LNP1: variants seen among roughly 807,000 people sequenced by gnomAD.
LNP1 encodes leukemia NUP98 fusion partner 1.
LNP1 carries 12 observed loss-of-function variants against 14.5 expected under a neutral mutation model. The ratio of observed to expected loss-of-function variants is 0.83; its 90% CI spans 0.53 to 1.34. LNP1 has a LOEUF of 1.34. Ranked by LOEUF, LNP1 falls within the 40% of genes most tolerant of loss-of-function variation. The pLI, the probability that LNP1 is intolerant of heterozygous loss-of-function variation, is 0.00. For missense variants in LNP1, 198 were observed against 210.9 expected, an observed-to-expected ratio of 0.94 and a Z score of 0.38; for synonymous variants, 75 against 71.4, an observed-to-expected ratio of 1.05 and a Z score of -0.26.
intron 2 of LNP1, among the ~76,000 whole-genome samples, chr3:100,433,113 TG>T (rs1707257787): frequency 6.6e-6 from 1 of 152,214 alleles, no homozygotes; most frequent in Admixed American, 6.5e-5. Flanking sequence ...GTTTGTTACA[TG>T]GGTGTACATG....
chr3:100,444,773 A>G (rs976228150), intron 2 of LNP1, among the ~76,000 whole-genome samples: 1 of 152,228 alleles, frequency 6.6e-6, no homozygotes, highest in Non-Finnish European at 1.5e-5. Context: ...AACTGCATGA[A>G]GCCAATTAAA....
At chr3:100,449,581 C>A (rs547962222) in intron 2 of LNP1, among the ~76,000 whole-genome samples, 2 of 152,020 alleles carry the variant, frequency 1.3e-5, no homozygotes, top group South Asian at 2.1e-4. Flanking sequence ...AGGGTTCAAT[C>A]AACTGAGAAG....
intron 1 of LNP1, among the ~76,000 whole-genome samples, chr3:100,403,059 C>G (rs774781487): frequency 1.3e-5 from 2 of 152,228 alleles, no homozygotes; most frequent in Non-Finnish European, 2.9e-5. Flanking sequence ...ATTTTCTCCT[C>G]CATTTCCTAA....
chr3:100,402,072 C>A lies in LNP1; in HGVS notation c.-401C>A, dbSNP rs2148897014. 6.6e-6 allele frequency: 1 copy of A among 152,384 alleles called. No homozygotes were observed. Among genetic ancestry groups the A allele is most frequent in the East Asian group, 1.9e-4 (1 of 5,194 alleles). The allele number at this position is 152,384 out of a possible 1,614,324, so 9.4% of individuals were successfully genotyped here. On this transcript the variant is annotated 5_prime_UTR_variant, in exon 1 of 4. Coordinates refer to ENST00000383693, the MANE Select transcript of LNP1 (RefSeq NM_001085451.2). ...TCGTCTCATTCCCAAATCGTAATTT[C>A]AGTTCACAGCTTTTTATCTATAATA...
intron 1 of LNP1, among the ~76,000 whole-genome samples, chr3:100,416,601 G>GTGTGTGTC (rs1707086566): frequency 1.7e-5 from 1 of 57,922 alleles, no homozygotes; most frequent in Non-Finnish European, 3.1e-5. Context: ...TATCTTTTTT[G>GTGTGTGTC]TGTGTGTGTG....
At chr3:100,415,955 C>A (rs1332071741) in intron 1 of LNP1, among the ~76,000 whole-genome samples, 1 of 152,192 alleles carries the variant, frequency 6.6e-6, no homozygotes, top group Non-Finnish European at 1.5e-5. Context: ...AAATGTGCAA[C>A]CCCAGATGCT....
chr3:100,418,206 C>T (rs1215743737), intron 1 of LNP1, among the ~76,000 whole-genome samples: 1 of 151,356 alleles, frequency 6.6e-6, no homozygotes, highest in African/African-American at 2.4e-5. Flanking sequence ...ATTACAGGCA[C>T]CCACCACCAC....
chr3:100,423,915 A>G (rs1350744422), intron 1 of LNP1, among the ~76,000 whole-genome samples: 1 of 152,218 alleles, frequency 6.6e-6, no homozygotes, highest in African/African-American at 2.4e-5. Flanking sequence ...TCTGGGCTTC[A>G]GGAGTGGGCT....
chr3:100,409,607 T>TATATA (rs199660524), intron 1 of LNP1, among the ~76,000 whole-genome samples: 1 of 49,764 alleles, frequency 2.0e-5, no homozygotes, highest in African/African-American at 6.7e-5. Context: ...TATATATATA[T>TATATA]TTTTTTTTTT....
chr3:100,451,820 AAAATAC>A lies in LNP1; in HGVS notation c.259_264del (p.Lys87_Tyr88del). On this transcript the variant is annotated inframe_deletion, in exon 3 of 4. Coordinates refer to ENST00000383693, the MANE Select transcript of LNP1 (RefSeq NM_001085451.2). Reference sequence around the variant, plus strand: ...GCCGTAGCCACGTACGGGATTACAGAAAATACTCAGAGGATGGGTCATTCAAGGAGC... The same window carrying A: ...GCCGTAGCCACGTACGGGATTACAGATCAGAGGATGGGTCATTCAAGGAGC... The A allele has an allele frequency of 6.2e-7, 1 of 1,613,966 alleles. No individual in the cohort carries two copies. The highest frequency in any genetic ancestry group is 8.5e-7 in the Non-Finnish European group (1 of 1,179,792).
intron 1 of LNP1, among the ~76,000 whole-genome samples, chr3:100,416,718 A>AT (rs3082702): frequency 0.012 from 1,380 of 110,432 alleles, 24 homozygotes; most frequent in Non-Finnish European, 0.022. Flanking sequence ...TTTTGTTTTG[A>AT]TTTTTTTTTT....
intron 2 of LNP1, among the ~76,000 whole-genome samples, chr3:100,442,001 T>C (rs1371462457): frequency 1.3e-5 from 2 of 152,174 alleles, no homozygotes; most frequent in Admixed American, 1.3e-4. Context: ...GTTGATTTTT[T>C]CCTTATGACT....
chr3:100,453,300 A>AGTCTTTCCTTGTCTTTCACGACATTAGCT, intron 3 of LNP1, among the ~76,000 whole-genome samples: 1 of 152,024 alleles, frequency 6.6e-6, no homozygotes, highest in Non-Finnish European at 1.5e-5. Context: ...TACTGTATCT[A>AGTCTTTCCTTGTCTTTCACGACATTAGCT]AACCTTATTA....
At position 100,420,836 on chromosome 3, in the gene LNP1, T is replaced by C. The variant is rs1341199378; in HGVS notation, c.-33-8861T>C. On this transcript the variant is annotated intron_variant, in intron 1 of 3. Coordinates refer to ENST00000383693, the MANE Select transcript of LNP1 (RefSeq NM_001085451.2). ...TATCAATTTTTCCTTTTATAGATTATGCTTTTGGTGTCAAGTCTAAGAACT... is the reference window on the plus strand; with the variant it reads ...TATCAATTTTTCCTTTTATAGATTACGCTTTTGGTGTCAAGTCTAAGAACT... 2.6e-5 allele frequency among the ~76,000 whole-genome samples: 4 copies of C among 152,172 alleles called. No individual in the cohort carries two copies. In the East Asian group the frequency reaches 7.7e-4, roughly 29 times the overall value.
chr3:100,450,781 C>G (rs1707430041), intron 2 of LNP1, among the ~76,000 whole-genome samples: 1 of 152,180 alleles, frequency 6.6e-6, no homozygotes, highest in Non-Finnish European at 1.5e-5. Flanking sequence ...CTCATCTTCC[C>G]TGTTGGAAGT....
At chr3:100,406,644 C>T (rs950236848) in intron 1 of LNP1, among the ~76,000 whole-genome samples, 2 of 152,122 alleles carry the variant, frequency 1.3e-5, no homozygotes, top group Non-Finnish European at 2.9e-5. Context: ...AAGCGATTCT[C>T]CTGCCTCAGC....
At chr3:100,434,561 T>G (rs1055260417) in intron 2 of LNP1, among the ~76,000 whole-genome samples, 1 of 151,748 alleles carries the variant, frequency 6.6e-6, no homozygotes, top group African/African-American at 2.4e-5. Context: ...TGAAGTCTCA[T>G]TCTATTGCCC....
rs139416286 is a variant in LNP1 at position 100,412,935 on chromosome 3, C to T, written c.-34+10496C>T. Among the ~76,000 whole-genome samples the T allele has an allele frequency of 7.0e-4, 107 of 152,172 alleles. 2 individuals carry two copies. The South Asian group carries it at 0.021, about 30-fold the overall frequency. ...CACAATACCTGAAATATGGTCAATG[C>T]GAAATAAAAAGTTGATGAAGTGTTT... On this transcript the variant is annotated intron_variant, in intron 1 of 3. Transcript: ENST00000383693.
intron 1 of LNP1, among the ~76,000 whole-genome samples, chr3:100,416,933 A>G (rs748296135): frequency 1.6e-4 from 24 of 152,016 alleles, no homozygotes; most frequent in Non-Finnish European, 3.1e-4. Context: ...CCTTGAGTTC[A>G]TCTTGACCTG....
Sources: allele counts gnomAD v4.1 joint callset (sites outside exome capture counted in the v4.1 genomes callset), GRCh38; gene constraint gnomAD v4.1.1; transcripts MANE v1.5; gene names NCBI Gene and HGNC (gene_info 2026-07-23, HGNC 2026-07-21).